KL: variants seen among roughly 807,000 people sequenced by gnomAD.
The protein encoded by KL is klotho.
A neutral mutation model predicts 84.2 loss-of-function variants in KL; 62 were observed. The ratio of observed to expected loss-of-function variants is 0.74; its 90% CI spans 0.60 to 0.91. KL has a LOEUF of 0.91. KL is among the 40% of genes least tolerant of loss of function. KL has a pLI of 0.00. For missense variants in KL, 1,261 were observed against 1,305.7 expected, an observed-to-expected ratio of 0.97 and a Z score of 0.53; for synonymous variants, 528 against 528.0, an observed-to-expected ratio of 1.00 and a Z score of 0.00.
chr13:33,035,376 T>C (rs949937383), intron 1 of KL, among the ~76,000 whole-genome samples: 26 of 152,206 alleles, frequency 1.7e-4, no homozygotes, highest in African/African-American at 4.6e-4. Flanking sequence ...AGAAGTAGAA[T>C]GTTTAGAAAA....
At position 33,060,826 on chromosome 13, in the gene KL, G is replaced by T. The variant is rs746790187; in HGVS notation, c.1747G>T (p.Ala583Ser). The T allele has an allele frequency of 6.2e-7, 1 of 1,614,182 alleles. No individual in the cohort carries two copies. Among genetic ancestry groups the T allele is most frequent in the Non-Finnish European group, 8.5e-7 (1 of 1,180,022 alleles). ...CTTTGCTGCCATCCAGCCCCAGATC[G>T]CTTTACTCCAGGAAATGCACGTTAC... ...VDFAAIQPQI[A>S]LLQEMHVTHF... Residue 583 changes from alanine (A) to serine (S), a missense_variant, in exon 4 of 5, where the codon GCT (alanine) becomes TCT (serine). By Grantham distance (99) the Ala-to-Ser change is moderately conservative. Coordinates refer to ENST00000380099, the MANE Select transcript of KL (RefSeq NM_004795.4).
Position 33,064,423 on chromosome 13 carries a change from A to T in KL, c.*237A>T, listed in dbSNP as rs1042888416. Reference sequence around the variant, plus strand: ...TTGGGTGATTAAAAAACTGACAGGCACTATAATTTCTGTAACACACTAACA... The same window carrying T: ...TTGGGTGATTAAAAAACTGACAGGCTCTATAATTTCTGTAACACACTAACA... On this transcript the variant is annotated 3_prime_UTR_variant, in exon 5 of 5. Transcript: ENST00000380099. The T allele has an allele frequency of 2.4e-6, 1 of 414,194 alleles. No homozygotes were observed. Among genetic ancestry groups the T allele is most frequent in the African/African-American group, 2.0e-5 (1 of 50,634 alleles). 25.7% of individuals were successfully genotyped at this position (414,194 alleles called of 1,614,324 possible). A position where few individuals can be genotyped will look rare whatever the true frequency, so the allele number is the denominator to read the frequency against.
chr13:33,061,270 C>G lies in KL; in HGVS notation c.2191C>G (p.Gln731Glu). The change falls in exon 4 of 5, where the codon CAG becomes GAG. Residue 731 changes from glutamine to glutamate, a missense_variant. By Grantham distance (29) the Gln-to-Glu change is conservative. Transcript: ENST00000380099. ...GAATGGGAAAATATCCATAGCCTTGCAGGCTGATTGGATAGAACCTGCCTG... is the reference window on the plus strand; with the variant it reads ...GAATGGGAAAATATCCATAGCCTTGGAGGCTGATTGGATAGAACCTGCCTG... The part of the protein sequence containing the change: ...AQNGKISIAL[Q>E]ADWIEPACPF... 6.2e-7 allele frequency: 1 copy of G among 1,614,218 alleles called. No homozygotes were observed. Among genetic ancestry groups the G allele is most frequent in the Non-Finnish European group, 8.5e-7 (1 of 1,180,042 alleles).
In KL at chr13:33,063,917, A is replaced by G. The variant is rs1185160430; in HGVS notation, c.2770A>G (p.Arg924Gly). 4 of 1,614,046 alleles carry G rather than the reference A, an allele frequency of 2.5e-6. No homozygotes were observed. In the African/African-American group the frequency reaches 5.3e-5, roughly 22 times the overall value. Residue 924 changes from arginine (R) to glycine (G), a missense_variant, in exon 5 of 5, where the codon AGG (arginine) becomes GGG (glycine). Physicochemically the swap from Arg to Gly is moderately radical, Grantham distance 125. Coordinates refer to ENST00000380099, the MANE Select transcript of KL (RefSeq NM_004795.4). Reference sequence around the variant, plus strand: ...TTCGTTTAACGACCGCACAGCTCCGAGGTTTGGCCTCTATCGTTATGCTGC... The same window carrying G: ...TTCGTTTAACGACCGCACAGCTCCGGGGTTTGGCCTCTATCGTTATGCTGC... Reference protein sequence around the residue: ...AYSFNDRTAPRFGLYRYAADQ... With the variant: ...AYSFNDRTAPGFGLYRYAADQ...
intron 3 of KL, 141 bp from the exon 4 acceptor site, chr13:33,060,538 T>C (rs1252002522): frequency 4.5e-5 from 42 of 923,424 alleles, no homozygotes; most frequent in Middle Eastern, 6.0e-4. Context: ...AGCTGACAAT[T>C]TATGAAAAAT....
intron 2 of KL, 141 bp downstream of exon 2, chr13:33,054,418 A>G: frequency 1.2e-6 from 1 of 844,040 alleles, no homozygotes; most frequent in Non-Finnish European, 1.9e-6. Flanking sequence ...GAATGCATTC[A>G]TTTAACACCT....
chr13:33,052,113 T>G (rs967686123), intron 1 of KL, among the ~76,000 whole-genome samples: 1 of 152,170 alleles, frequency 6.6e-6, no homozygotes, highest in Non-Finnish European at 1.5e-5. Flanking sequence ...CACAGCACCA[T>G]GACTGGTTAA....
In KL at chr13:33,031,291, C is replaced by T. The variant is rs188299368; in HGVS notation, c.819+14032C>T. Among the ~76,000 whole-genome samples, 398 of 152,218 alleles carry T rather than the reference C, an allele frequency of 2.6e-3. 1 individual carries two copies. The highest frequency in any genetic ancestry group is 7.4e-3 in the African/African-American group (307 of 41,514). On this transcript the variant is annotated intron_variant, in intron 1 of 4. Coordinates refer to ENST00000380099, the MANE Select transcript of KL (RefSeq NM_004795.4). Reference sequence around the variant, plus strand: ...TAAGAAATAAAGGAAACTCCCAGGACGAGAGCAGCTCTTGACAGCATCTAG... The same window carrying T: ...TAAGAAATAAAGGAAACTCCCAGGATGAGAGCAGCTCTTGACAGCATCTAG...
At position 33,027,006 on chromosome 13, in the gene KL, G is replaced by A. The variant is rs1196491632; in HGVS notation, c.819+9747G>A. Among the ~76,000 whole-genome samples, 4 of 152,278 alleles carry A rather than the reference G, an allele frequency of 2.6e-5. No individual in the cohort carries two copies. The East Asian group carries it at 7.7e-4, about 29-fold the overall frequency. On this transcript the variant is annotated intron_variant, in intron 1 of 4. Transcript: ENST00000380099. The stretch of plus-strand genomic sequence containing the variant: ...TTACAGGCTTCTCAGAGCCACCCTA[G>A]CAGCAACTTTACCGCGTCTCCTGGG...
Position 33,064,718 on chromosome 13 carries a change from A to C in KL, c.*532A>C, listed in dbSNP as rs1255007507. On this transcript the variant is annotated 3_prime_UTR_variant, in exon 5 of 5. Transcript: ENST00000380099. ...AGACGACAGAGGGTCCTAGGCTGGA[A>C]TGTTCCTTTCGAAAGCAATGCTTCT... 1 of 225,202 alleles carries C rather than the reference A, an allele frequency of 4.4e-6. No homozygotes were observed. The highest frequency in any genetic ancestry group is 8.8e-6 in the Non-Finnish European group (1 of 113,206). 14.0% of individuals were successfully genotyped at this position (225,202 alleles called of 1,614,324 possible). A position where few individuals can be genotyped will look rare whatever the true frequency, so the allele number is the denominator to read the frequency against.
At chr13:33,018,632 G>GA (rs1229179332) in intron 1 of KL, among the ~76,000 whole-genome samples, 2 of 152,252 alleles carry the variant, frequency 1.3e-5, no homozygotes, top group East Asian at 3.9e-4. Flanking sequence ...TTATGGATCT[G>GA]AAAAACTCTA....
At chr13:33,017,287 C>T (rs1451136356) in intron 1 of KL, 28 bp downstream of exon 1, 1 of 1,530,926 alleles carries the variant, frequency 6.5e-7, no homozygotes, top group Non-Finnish European at 8.8e-7. Flanking sequence ...GGCGGAGGGC[C>T]ACGCAGGGGA....
Position 33,016,748 on chromosome 13 carries a change from A to T in KL, c.308A>T (p.Asp103Val), listed in dbSNP as rs746989384. The change falls in exon 1 of 5, where the codon GAC (aspartate) becomes GTC (valine). Residue 103 changes from aspartate (D) to valine (V), a missense_variant. Asp to Val is a radical substitution (Grantham distance 152). Transcript: ENST00000380099. ...FTHHPLAPPG[D>V]SRNASLPLGA... ...CACCACCCCCTGGCACCCCCGGGAG[A>T]CTCCCGGAACGCCAGTCTGCCGTTG... 6.2e-6 allele frequency: 10 copies of T among 1,611,006 alleles called. No individual in the cohort carries two copies. In the East Asian group the frequency reaches 1.8e-4, roughly 29 times the overall value.
At chr13:33,034,534 T>TGCC (rs1489995451) in intron 1 of KL, among the ~76,000 whole-genome samples, 1 of 151,232 alleles carries the variant, frequency 6.6e-6, no homozygotes, top group Non-Finnish European at 1.5e-5. Flanking sequence ...CTCTTGTGAG[T>TGCC]GCCACCAAAA....
At chr13:33,025,661 A>G (rs911642604) in intron 1 of KL, among the ~76,000 whole-genome samples, 2 of 152,162 alleles carry the variant, frequency 1.3e-5, no homozygotes, top group African/African-American at 4.8e-5. Context: ...GTGCAGAACC[A>G]AGCAGTGCCC....
chr13:33,054,486 A>G (rs1871878290), intron 2 of KL, among the ~76,000 whole-genome samples: 1 of 152,262 alleles, frequency 6.6e-6, no homozygotes, highest in Non-Finnish European at 1.5e-5. Flanking sequence ...TTTGTAAATG[A>G]GAAACTGGGT....
In KL at chr13:33,053,863, C is replaced by T. The variant is rs769618346; in HGVS notation, c.916C>T (p.Arg306Ter). The change falls in exon 2 of 5, where the codon CGA (arginine) becomes TGA (stop). Residue 306 changes from arginine to a stop codon, truncating the protein, a stop_gained. Transcript: ENST00000380099. LOFTEE classifies it high-confidence loss of function. The part of the protein sequence containing the change: ...IALSSHWINP[R>*]RMTDHSIKEC... ...CCTAAGCTCTCACTGGATCAATCCTCGAAGAATGACCGACCACAGCATCAA... is the reference window on the plus strand; with the variant it reads ...CCTAAGCTCTCACTGGATCAATCCTTGAAGAATGACCGACCACAGCATCAA... The T allele has an allele frequency of 1.2e-5, 20 of 1,614,022 alleles. No individual in the cohort carries two copies. The highest frequency in any genetic ancestry group is 2.2e-5 in the East Asian group (1 of 44,894).
In KL at chr13:33,056,107, C is replaced by T. The variant is rs1871947065; in HGVS notation, c.1599+792C>T. ...GCTTTCAAAGGAGCAAAGGAGTCTA[C>T]TGAGCGAAAACAATGTATGCACAAA... On this transcript the variant is annotated intron_variant, in intron 3 of 4. Coordinates refer to ENST00000380099, the MANE Select transcript of KL (RefSeq NM_004795.4). Among the ~76,000 whole-genome samples the T allele has an allele frequency of 2.6e-5, 4 of 152,274 alleles. No individual in the cohort carries two copies. In the South Asian group the frequency reaches 8.3e-4, roughly 32 times the overall value.
intron 4 of KL, among the ~76,000 whole-genome samples, chr13:33,062,079 T>C (rs774295302): frequency 4.6e-5 from 7 of 152,184 alleles, no homozygotes; most frequent in Non-Finnish European, 7.4e-5. Context: ...CATAAAGCAG[T>C]ACATAAAGAT....
Sources: gnomAD v4.1 joint callset for allele counts (sites outside exome capture counted in the v4.1 genomes callset) on GRCh38, gnomAD v4.1.1 for gene constraint, MANE v1.5 for transcripts, NCBI Gene and HGNC (gene_info 2026-07-23, HGNC 2026-07-21) for gene names.